DNAH6: variants seen among roughly 807,000 people sequenced by gnomAD.
DNAH6 encodes the protein dynein axonemal heavy chain 6.
A neutral mutation model predicts 491.4 loss-of-function variants in DNAH6; 340 were observed. That is an observed-to-expected ratio of 0.69 (90% confidence interval 0.63 to 0.76). The LOEUF (loss-of-function observed/expected upper bound fraction) is 0.76, where lower values mean the gene tolerates loss of function less well. Ranked by LOEUF, DNAH6 falls within the 30% of genes least tolerant of loss-of-function variation. The probability of loss-of-function intolerance (pLI) is 0.00; values close to 1 mark genes in which losing one functional copy is unlikely to be tolerated. For synonymous variants in DNAH6, 1,603 were observed against 1,686.1 expected, an observed-to-expected ratio of 0.95 and a Z score of 1.21; for missense variants, 4,443 against 4,972.2, an observed-to-expected ratio of 0.89 and a Z score of 3.20.
At chr2:84,790,428 CCAT>C (rs1677626383) in intron 68 of DNAH6, among the ~76,000 whole-genome samples, 1 of 152,198 alleles carries the variant, frequency 6.6e-6, no homozygotes, top group East Asian at 1.9e-4. Context: ...TCAACACACA[CCAT>C]CAAGAAAGTG....
intron 45 of DNAH6, among the ~76,000 whole-genome samples, chr2:84,693,195 C>G (rs1049913948): frequency 2.0e-5 from 3 of 152,056 alleles, no homozygotes; most frequent in Non-Finnish European, 4.4e-5. Context: ...GAGATTTGCC[C>G]TCCTTATCTT....
chr2:84,519,758 C>G (rs1370929752), intron 2 of DNAH6, among the ~76,000 whole-genome samples: 1 of 151,720 alleles, frequency 6.6e-6, no homozygotes, highest in Non-Finnish European at 1.5e-5. Context: ...ATTCCCCAAT[C>G]TCTGACCCCC....
In DNAH6 at chr2:84,552,928, T is replaced by C. The variant is rs1274490226; in HGVS notation, c.1496T>C (p.Met499Thr). The C allele has an allele frequency of 1.9e-6, 3 of 1,608,234 alleles. No homozygotes were observed. Among genetic ancestry groups the C allele is most frequent in the Non-Finnish European group, 2.6e-6 (3 of 1,175,830 alleles). ...ATATATTCATTTCAGGGGACCCTTA[T>C]GGTGGAAAAGCAAGAAGAAGATGAA... The part of the protein sequence containing the change: ...PEVPDKKGTL[M>T]VEKQEEDESL... Residue 499 changes from methionine (M) to threonine (T), a missense_variant, in exon 10 of 77, where the codon ATG becomes ACG. Around this residue, in one of 3 missense-constraint regions of DNAH6, gnomAD observed 2,977 missense variants for 3,296.6 expected, o/e 0.90. Transcript: ENST00000389394.
chr2:84,557,740 T>C lies in DNAH6; in HGVS notation c.1608T>C (p.Gly536=), dbSNP rs1246044169. The change falls in exon 11 of 77, where the codon GGT becomes GGC. Residue 536 remains glycine, a synonymous_variant. Transcript: ENST00000389394. ...TATGCTTTTCTCTTTAACAGGATGG[T>C]ATTTTGGGTGCAGTTAATCACTGTC... is the stretch of plus-strand genomic sequence containing the variant. ...FEPSLEDFLD[G]ILGAVNHCQN... 3 of 1,573,354 alleles carry C rather than the reference T, an allele frequency of 1.9e-6. No homozygotes were observed. The highest frequency in any genetic ancestry group is 1.7e-6 in the Non-Finnish European group (2 of 1,152,856).
intron 4 of DNAH6, among the ~76,000 whole-genome samples, chr2:84,540,779 G>C (rs923534735): frequency 4.6e-5 from 7 of 152,158 alleles, no homozygotes; most frequent in Non-Finnish European, 7.4e-5. Flanking sequence ...AGGTTCTACT[G>C]TAAAATAATT....
chr2:84,710,463 A>G, intron 56 of DNAH6, 51 bp downstream of exon 56: 2 of 1,537,980 alleles, frequency 1.3e-6, no homozygotes, highest in Non-Finnish European at 1.8e-6. Context: ...TTCAAATCAT[A>G]TCTGGAATCC....
chr2:84,751,248 C>G (rs949815093), intron 63 of DNAH6: 4 of 152,202 alleles, frequency 2.6e-5, no homozygotes, highest in Admixed American at 2.0e-4. Context: ...TGTGAAGAAG[C>G]CTTATAACTA....
intron 37 of DNAH6, among the ~76,000 whole-genome samples, chr2:84,659,968 C>T (rs908406833): frequency 1.3e-5 from 2 of 152,084 alleles, no homozygotes; most frequent in Admixed American, 6.6e-5. Context: ...GGCAACAGAG[C>T]AAGACTGTGT....
At chr2:84,573,690 C>A in intron 12 of DNAH6, 103 bp downstream of exon 12, 1 of 1,010,436 alleles carries the variant, frequency 9.9e-7, no homozygotes, top group Non-Finnish European at 1.4e-6. Context: ...AAATGGTAGC[C>A]CAAAAGAGTT....
intron 51 of DNAH6, 112 bp downstream of exon 51, chr2:84,704,414 T>G (rs113710914): frequency 1.3e-5 from 10 of 794,284 alleles, no homozygotes; most frequent in Admixed American, 1.1e-4. Flanking sequence ...ATTGCTTCAG[T>G]TGGTCATTCA....
At chr2:84,472,028 T>C in the DNAH6 span, among the ~76,000 whole-genome samples, 1 of 152,172 alleles carries the variant, frequency 6.6e-6, no homozygotes, top group Non-Finnish European at 1.5e-5. Context: ...CTTTCCCAGC[T>C]CTTAGTATGT....
At position 84,812,454 on chromosome 2, in the gene DNAH6, C is replaced by T. The variant is rs1253813609; in HGVS notation, c.11853C>T (p.Asn3951=). 11 of 1,551,624 alleles carry T rather than the reference C, an allele frequency of 7.1e-6. No individual in the cohort carries two copies. The highest frequency in any genetic ancestry group is 9.6e-6 in the Non-Finnish European group (11 of 1,147,000). ...ACCAGGTTCCCGCTCTGTGGTCCAA[C>T]ACAGCCTACCCATCCCTGAAGCCAC... ...LNNQVPALWS[N]TAYPSLKPLG... is the part of the protein sequence containing the mutation. Residue 3951 remains asparagine, a synonymous_variant, in exon 73 of 77, where the codon AAC becomes AAT. Coordinates refer to ENST00000389394, the MANE Select transcript of DNAH6 (RefSeq NM_001370.2).
At chr2:84,754,847 G>A (rs1673840744) in intron 63 of DNAH6, among the ~76,000 whole-genome samples, 2 of 152,162 alleles carry the variant, frequency 1.3e-5, no homozygotes, top group South Asian at 2.1e-4. Context: ...GATAAGAATG[G>A]CATTGAACCT....
At chr2:84,633,606 G>A (rs1001347034) in intron 29 of DNAH6, among the ~76,000 whole-genome samples, 7 of 151,936 alleles carry the variant, frequency 4.6e-5, no homozygotes, top group African/African-American at 1.7e-4. Flanking sequence ...GAGACCTCAT[G>A]ATGGGCATTA....
Position 84,522,445 on chromosome 2 carries a change from C to T in DNAH6, c.226-3120C>T, listed in dbSNP as rs370968663. Among the ~76,000 whole-genome samples the T allele has an allele frequency of 3.0e-4, 46 of 152,194 alleles. 1 individual carries two copies. The highest frequency in any genetic ancestry group is 1.1e-3 in the African/African-American group (46 of 41,536). On this transcript the variant is annotated intron_variant, in intron 2 of 76. Coordinates refer to ENST00000389394, the MANE Select transcript of DNAH6 (RefSeq NM_001370.2). ...CAGGGATAGTTTGACTTCCTCTCTTCCTATTTTGATGCCCCTTATTTCTTT... is the reference window on the plus strand; with the variant it reads ...CAGGGATAGTTTGACTTCCTCTCTTTCTATTTTGATGCCCCTTATTTCTTT...
chr2:84,810,968 C>G (rs181319069), intron 72 of DNAH6, among the ~76,000 whole-genome samples: 114 of 152,282 alleles, frequency 7.5e-4, no homozygotes, highest in African/African-American at 2.6e-3. Context: ...TTTGTGTTCT[C>G]TCTGCATTTT....
rs1573314182 is a variant in DNAH6 at position 84,637,447 on chromosome 2, G to A, written c.4821+70G>A. 5 of 1,430,190 alleles carry A rather than the reference G, an allele frequency of 3.5e-6. No individual in the cohort carries two copies. The East Asian group carries it at 1.0e-4, about 29-fold the overall frequency. 88.6% of individuals were successfully genotyped at this position (1,430,190 alleles called of 1,614,324 possible). On this transcript the variant is annotated intron_variant, in intron 31 of 76. Transcript: ENST00000389394. The stretch of plus-strand genomic sequence containing the variant: ...TTTATTTACCATTCGATTCTATCAA[G>A]GTAGAAAGTTTCCTTTATGAATGCC...
intron 73 of DNAH6, 94 bp from the exon 74 acceptor site, chr2:84,812,964 G>A: frequency 2.9e-6 from 3 of 1,034,938 alleles, no homozygotes; most frequent in South Asian, 1.4e-5. Context: ...TTTAGATTCT[G>A]CCTCCTGAGA....
Position 84,672,232 on chromosome 2 carries a change from G to C in DNAH6, c.6455-95G>C, listed in dbSNP as rs1005243004. 7.9e-6 allele frequency: 10 copies of C among 1,261,598 alleles called. No homozygotes were observed. The African/African-American group carries it at 1.2e-4, about 15-fold the overall frequency. 78.2% of individuals were successfully genotyped at this position (1,261,598 alleles called of 1,614,324 possible). A position where few individuals can be genotyped will look rare whatever the true frequency, so the allele number is the denominator to read the frequency against. On this transcript the variant is annotated intron_variant, in intron 39 of 76. Coordinates refer to ENST00000389394, the MANE Select transcript of DNAH6 (RefSeq NM_001370.2). ...AGAACTGAGCTCTTTATGACCTGTAGGATGTCATTGAGTCCAAAGTCATAC... is the reference window on the plus strand; with the variant it reads ...AGAACTGAGCTCTTTATGACCTGTACGATGTCATTGAGTCCAAAGTCATAC...
Sources: allele counts gnomAD v4.1 joint callset (sites outside exome capture counted in the v4.1 genomes callset), GRCh38; gene constraint gnomAD v4.1.1; regional missense constraint gnomAD v4.1.1; transcripts MANE v1.5; gene names NCBI Gene and HGNC (gene_info 2026-07-23, HGNC 2026-07-21).